SCUBE1: variants seen among roughly 807,000 people sequenced by gnomAD.
The protein encoded by SCUBE1 is signal peptide, CUB and EGF-like domain-containing protein 1.
In SCUBE1, 59 loss-of-function variants were observed where a neutral mutation model predicts 124.4. That is an observed-to-expected ratio of 0.47 (90% CI 0.38 to 0.59). The LOEUF is 0.59. Ranked by LOEUF, SCUBE1 falls within the 20% of genes least tolerant of loss-of-function variation. The probability of loss-of-function intolerance (pLI) is 0.00; values close to 1 mark genes in which losing one functional copy is unlikely to be tolerated. For missense variants in SCUBE1, 1,150 were observed against 1,371.2 expected (o/e 0.84, Z 2.55); for synonymous variants, 545 against 550.9 (o/e 0.99, Z 0.15).
At chr22:43,214,003 G>C in intron 16 of SCUBE1, 87 bp downstream of exon 16, 1 of 1,284,784 alleles carries the variant, frequency 7.8e-7, no homozygotes, top group Non-Finnish European at 1.0e-6. Context: ...CCAGGCACCT[G>C]GGCCTTCGAC....
At chr22:43,217,193 C>A (rs1185740513) in intron 15 of SCUBE1, among the ~76,000 whole-genome samples, 1 of 149,114 alleles carries the variant, frequency 6.7e-6, no homozygotes, top group Non-Finnish European at 1.5e-5. Flanking sequence ...CCTCCGGCTT[C>A]CCAGTTTACA....
At position 43,208,633 on chromosome 22, in the gene SCUBE1, C is replaced by T. The variant is rs372214970; in HGVS notation, c.2582-409G>A. Among the ~76,000 whole-genome samples, 23 of 152,228 alleles carry T rather than the reference C, an allele frequency of 1.5e-4. No individual in the cohort carries two copies. The East Asian group carries it at 3.1e-3, about 20-fold the overall frequency. On this transcript the variant is annotated intron_variant, in intron 19 of 21. Coordinates refer to ENST00000360835, the MANE Select transcript of SCUBE1 (RefSeq NM_173050.5). ...GGTGGGAGTGGAAGCTGGGGGAGGA[C>T]GTGGGAGATGAACTGGCACTGACTG...
intron 10 of SCUBE1, among the ~76,000 whole-genome samples, chr22:43,226,240 C>T (rs999978585): frequency 9.2e-5 from 14 of 152,124 alleles, no homozygotes. Context: ...CAGACATACA[C>T]CAACACGAAC....
chr22:43,261,772 T>C (rs12171164), intron 5 of SCUBE1, among the ~76,000 whole-genome samples: 67 of 152,320 alleles, frequency 4.4e-4, no homozygotes, highest in African/African-American at 1.5e-3. Context: ...ATGAGGCACT[T>C]GTCTCTTGCC....
At chr22:43,312,582 A>T (rs1926208238) in intron 3 of SCUBE1, among the ~76,000 whole-genome samples, 1 of 152,128 alleles carries the variant, frequency 6.6e-6, no homozygotes, top group Non-Finnish European at 1.5e-5. Context: ...AGGGCTCCGT[A>T]CAGTTGGATG....
At position 43,258,003 on chromosome 22, in the gene SCUBE1, T is replaced by A. The variant is rs1173627472; in HGVS notation, c.727+216A>T. Among the ~76,000 whole-genome samples the A allele has an allele frequency of 6.6e-6, 1 of 152,142 alleles. No individual in the cohort carries two copies. Among genetic ancestry groups the A allele is most frequent in the Non-Finnish European group, 1.5e-5 (1 of 68,002 alleles). On this transcript the variant is annotated intron_variant, in intron 6 of 21. Transcript: ENST00000360835. This position sits in a 1 kb window ranked among gnomAD's most constrained non-coding sequence, Gnocchi z 5.0. Reference sequence around the variant, plus strand: ...GGGAACACAAAGCAGAAAAGCCTGGTCTTGGGGGGCTGCAGGCCCCAGAGA... The same window carrying A: ...GGGAACACAAAGCAGAAAAGCCTGGACTTGGGGGGCTGCAGGCCCCAGAGA...
chr22:43,303,785 G>A (rs77354160), intron 3 of SCUBE1, among the ~76,000 whole-genome samples: 1,760 of 152,348 alleles, frequency 0.012, 39 homozygotes, highest in African/African-American at 0.041. Context: ...CAGTGGAAAA[G>A]CTGATCAACA....
At position 43,234,479 on chromosome 22, in the gene SCUBE1, G is replaced by C. The variant is rs1044049368; in HGVS notation, c.845-2604C>G. The stretch of plus-strand genomic sequence containing the variant: ...CCAGCCCCATCCCCTGCCCCATCTG[G>C]GCCTGTCTGCTAAGGGGCTGTCATA... On this transcript the variant is annotated intron_variant, in intron 7 of 21. Coordinates refer to ENST00000360835, the MANE Select transcript of SCUBE1 (RefSeq NM_173050.5). The surrounding 1 kb of genome is among the most constrained non-coding windows in gnomAD (Gnocchi z 4.4). Among the ~76,000 whole-genome samples the C allele has an allele frequency of 1.8e-4, 28 of 152,138 alleles. 1 individual carries two copies. The highest frequency in any genetic ancestry group is 1.5e-5 in the Non-Finnish European group (1 of 68,024).
intron 15 of SCUBE1, among the ~76,000 whole-genome samples, chr22:43,215,608 G>A (rs890874931): frequency 2.0e-5 from 3 of 152,196 alleles, no homozygotes; most frequent in Non-Finnish European, 2.9e-5. Context: ...ATTAGGCCTC[G>A]AAGCTGAGGT....
At chr22:43,321,041 A>G (rs1235435751) in intron 2 of SCUBE1, among the ~76,000 whole-genome samples, 1 of 152,206 alleles carries the variant, frequency 6.6e-6, no homozygotes, top group Non-Finnish European at 1.5e-5. Context: ...CCTGACCTCC[A>G]GAGGCTCCGA....
At position 43,307,287 on chromosome 22, in the gene SCUBE1, G is replaced by T. The variant is rs972576557; in HGVS notation, c.349+12650C>A. On this transcript the variant is annotated intron_variant, in intron 3 of 21. Transcript: ENST00000360835. ...TTGACGCCTCACCTGAGTGAGCCCTGAGGAACAAGTAGGGGCCAGCCAAAC... is the reference window on the plus strand; with the variant it reads ...TTGACGCCTCACCTGAGTGAGCCCTTAGGAACAAGTAGGGGCCAGCCAAAC... 8.5e-5 allele frequency among the ~76,000 whole-genome samples: 13 copies of T among 152,356 alleles called. 1 individual carries two copies. In the East Asian group the frequency reaches 2.5e-3, roughly 29 times the overall value.
chr22:43,261,817 C>A (rs1923881192), intron 5 of SCUBE1, among the ~76,000 whole-genome samples: 2 of 152,238 alleles, frequency 1.3e-5, no homozygotes, highest in South Asian at 4.1e-4. Flanking sequence ...TCTTCTTTGG[C>A]TCTTTGTAAA....
chr22:43,338,993 T>C (rs2146804493), intron 2 of SCUBE1, 111 bp downstream of exon 2: 3 of 1,272,612 alleles, frequency 2.4e-6, no homozygotes, highest in East Asian at 2.4e-5. Context: ...GCAACCACAA[T>C]GGTGGTGCTG....
At chr22:43,288,284 G>C (rs1303146398) in intron 4 of SCUBE1, among the ~76,000 whole-genome samples, 1 of 152,110 alleles carries the variant, frequency 6.6e-6, no homozygotes, top group Non-Finnish European at 1.5e-5. Context: ...TGTGTGCCCA[G>C]GGTCCCACCC....
At chr22:43,323,504 C>G (rs1926625158) in intron 2 of SCUBE1, among the ~76,000 whole-genome samples, 1 of 152,138 alleles carries the variant, frequency 6.6e-6, no homozygotes, top group Non-Finnish European at 1.5e-5. Context: ...ACCCATACAT[C>G]CAGACACGCA....
At chr22:43,341,928 C>T (rs1927329992) in intron 1 of SCUBE1, among the ~76,000 whole-genome samples, 1 of 151,970 alleles carries the variant, frequency 6.6e-6, no homozygotes, top group Non-Finnish European at 1.5e-5. Context: ...AACAGTCACT[C>T]AGAGGTGAGG....
intron 6 of SCUBE1, among the ~76,000 whole-genome samples, chr22:43,241,343 A>C (rs1601822172): frequency 6.6e-6 from 1 of 152,024 alleles, no homozygotes; most frequent in East Asian, 1.9e-4. Flanking sequence ...TCCCACTCTC[A>C]TGCTCCCAGC....
intron 4 of SCUBE1, chr22:43,276,022 CTCGGACGTGGGAT>C (rs1924499525): frequency 6.6e-6 from 1 of 152,528 alleles, no homozygotes; most frequent in African/African-American, 2.4e-5. Context: ...GTGAGTAGAG[CTCGGACGTGGGAT>C]CCGGTCACAC....
chr22:43,268,959 G>C (rs948427359), intron 4 of SCUBE1, among the ~76,000 whole-genome samples: 8 of 152,178 alleles, frequency 5.3e-5, no homozygotes, highest in Admixed American at 3.9e-4. Flanking sequence ...GTGGTTATGG[G>C]GATTGGGAGG....
Sources: allele counts gnomAD v4.1 joint callset (sites outside exome capture counted in the v4.1 genomes callset), GRCh38; gene constraint gnomAD v4.1.1; non-coding constraint Gnocchi (gnomAD v3.1); transcripts MANE v1.5; gene names NCBI Gene and HGNC (gene_info 2026-07-23, HGNC 2026-07-21).